IQSEC1: variants seen among roughly 807,000 people sequenced by gnomAD.
The protein encoded by IQSEC1 is IQ motif and Sec7 domain ArfGEF 1, also known as IQ motif and SEC7 domain-containing protein 1.
A neutral mutation model predicts 91.0 loss-of-function variants in IQSEC1; 31 were observed. The ratio of observed to expected loss-of-function variants is 0.34; its 90% confidence interval spans 0.26 to 0.46. The LOEUF (loss-of-function observed/expected upper bound fraction) is 0.46. Ranked by LOEUF, IQSEC1 falls within the 20% of genes least tolerant of loss-of-function variation. The pLI, the probability that IQSEC1 is intolerant of heterozygous loss-of-function variation, is 1.00. For missense variants in IQSEC1, 1,388 were observed against 1,575.6 expected, an observed-to-expected ratio of 0.88 and a Z score of 2.02; for synonymous variants, 699 against 662.6, an observed-to-expected ratio of 1.05 and a Z score of -0.84.
intron 2 of IQSEC1, among the ~76,000 whole-genome samples, chr3:13,100,015 C>T (rs1318116470): frequency 3.3e-5 from 5 of 149,424 alleles, no homozygotes; most frequent in Admixed American, 6.6e-5. Flanking sequence ...TGGAAGGACT[C>T]GGCCTTCACT....
chr3:12,983,950 G>A lies in IQSEC1; in HGVS notation c.24-42085C>T, dbSNP rs1181869690. 6.6e-6 allele frequency among the ~76,000 whole-genome samples: 1 copy of A among 152,208 alleles called. No individual in the cohort carries two copies. Among genetic ancestry groups the A allele is most frequent in the Admixed American group, 6.5e-5 (1 of 15,284 alleles). The stretch of plus-strand genomic sequence containing the variant: ...TTCAAGGGGGCAGGCAGAGAGGTAA[G>A]GGCCTTTCATACGTGGGTTCTGGGG... On this transcript the variant is annotated intron_variant, in intron 1 of 13. Transcript: ENST00000613206. This position sits in a 1 kb window ranked among gnomAD's most constrained non-coding sequence, Gnocchi z 4.3.
At chr3:13,162,117 C>T (rs190455219) in intron 2 of IQSEC1, among the ~76,000 whole-genome samples, 1 of 152,234 alleles carries the variant, frequency 6.6e-6, no homozygotes, top group African/African-American at 2.4e-5. Flanking sequence ...TGTATTCACT[C>T]TACATGTTCA....
At chr3:13,095,478 A>T (rs1485314078) in intron 2 of IQSEC1, among the ~76,000 whole-genome samples, 2 of 152,134 alleles carry the variant, frequency 1.3e-5, no homozygotes, top group Admixed American at 6.5e-5. Context: ...AGCTAAGAAC[A>T]TTTGAGACAT....
At chr3:12,911,371 T>C (rs565852587) in intron 10 of IQSEC1, among the ~76,000 whole-genome samples, 3 of 152,344 alleles carry the variant, frequency 2.0e-5, no homozygotes, top group Admixed American at 6.5e-5. Context: ...AAAAATCTTA[T>C]CACCTGCAAG....
chr3:13,236,761 C>T (rs528400411), intron 1 of IQSEC1, among the ~76,000 whole-genome samples: 1 of 152,368 alleles, frequency 6.6e-6, no homozygotes, highest in Admixed American at 6.5e-5. Flanking sequence ...TGCCATCAGT[C>T]TACGCATCAT....
At chr3:12,903,571 A>C (rs923483133) in intron 12 of IQSEC1, among the ~76,000 whole-genome samples, 6 of 152,226 alleles carry the variant, frequency 3.9e-5, no homozygotes, top group African/African-American at 1.4e-4. Flanking sequence ...CAGAGCACAC[A>C]GTAGGCACTC....
intron 1 of IQSEC1, among the ~76,000 whole-genome samples, chr3:13,230,482 A>G (rs1158704210): frequency 1.3e-5 from 2 of 152,226 alleles, no homozygotes; most frequent in African/African-American, 4.8e-5. Flanking sequence ...AAAGTCAACA[A>G]ACAAAATGCT....
intron 2 of IQSEC1, among the ~76,000 whole-genome samples, chr3:13,086,540 G>A (rs62232938): frequency 0.11 from 17,206 of 152,176 alleles, 1,207 homozygotes; most frequent in East Asian, 0.28. Flanking sequence ...TCTGTATTGC[G>A]GTGTATCGTG....
chr3:13,163,451 G>C (rs1311411102), intron 2 of IQSEC1, among the ~76,000 whole-genome samples: 1 of 152,152 alleles, frequency 6.6e-6, no homozygotes, highest in Non-Finnish European at 1.5e-5. Context: ...CATCTCCCAT[G>C]ACCATGGCCT....
intron 1 of IQSEC1, among the ~76,000 whole-genome samples, chr3:13,013,121 C>T (rs747610976): frequency 3.9e-5 from 6 of 152,158 alleles, no homozygotes; most frequent in African/African-American, 1.2e-4. Context: ...CCACCACGCC[C>T]GGCTAATTTT....
chr3:13,134,591 T>G lies in IQSEC1; in HGVS notation c.302+29513A>C, dbSNP rs545759705. Among the ~76,000 whole-genome samples, 131 of 152,322 alleles carry G rather than the reference T, an allele frequency of 8.6e-4. 6 individuals carry two copies. In the South Asian group the frequency reaches 0.027, roughly 31 times the overall value. On this transcript the variant is annotated intron_variant, in intron 2 of 15. Transcript: ENST00000648114. Reference sequence around the variant, plus strand: ...ATCTATGGCCTTTGGCGTAACTGCTTTCTAGCCTCATGCGGGTGATGATGT... The same window carrying G: ...ATCTATGGCCTTTGGCGTAACTGCTGTCTAGCCTCATGCGGGTGATGATGT...
chr3:13,251,661 C>T (rs894049554), intron 1 of IQSEC1, among the ~76,000 whole-genome samples: 2 of 152,228 alleles, frequency 1.3e-5, no homozygotes, highest in African/African-American at 2.4e-5. Context: ...AAGGTTCTGA[C>T]AAGGACTGCA....
At chr3:13,069,161 C>A (rs1705332639) in intron 1 of IQSEC1, among the ~76,000 whole-genome samples, 2 of 152,176 alleles carry the variant, frequency 1.3e-5, no homozygotes, top group Admixed American at 1.3e-4. Flanking sequence ...TCATAATAAC[C>A]ATTTTTAATA....
chr3:13,263,034 G>C (rs962683666), intron 1 of IQSEC1, among the ~76,000 whole-genome samples: 2 of 152,178 alleles, frequency 1.3e-5, no homozygotes, highest in Non-Finnish European at 2.9e-5. Flanking sequence ...GATCACATGA[G>C]GCCAGGAGTT....
At position 12,935,584 on chromosome 3, in the gene IQSEC1, G is replaced by A. The variant is rs775312948; in HGVS notation, c.1432C>T (p.Arg478Cys). Residue 478 changes from arginine (R) to cysteine (C), a missense_variant, in exon 3 of 14, where the codon CGT (arginine) becomes TGT (cysteine). Coordinates refer to ENST00000613206, the MANE Select transcript of IQSEC1 (RefSeq NM_001134382.3). This position sits in a 1 kb window ranked among gnomAD's most constrained non-coding sequence, Gnocchi z 8.0. ...TINCSSESSS[R>C]DSLREQTLSK... Reference sequence around the variant, plus strand: ...AGCGTCTGCTCCCGCAGGCTGTCACGGGACGATGACTCGGAGCTGCAGTTG... The same window carrying A: ...AGCGTCTGCTCCCGCAGGCTGTCACAGGACGATGACTCGGAGCTGCAGTTG... 1.4e-5 allele frequency: 22 copies of A among 1,614,002 alleles called. No individual in the cohort carries two copies. Among genetic ancestry groups the A allele is most frequent in the East Asian group, 2.2e-5 (1 of 44,904 alleles).
intron 1 of IQSEC1, among the ~76,000 whole-genome samples, chr3:13,177,444 A>G (rs1455379348): frequency 6.6e-6 from 1 of 152,228 alleles, no homozygotes; most frequent in African/African-American, 2.4e-5. Context: ...AGAGCAGGGC[A>G]GGAATAATTC....
intron 1 of IQSEC1, among the ~76,000 whole-genome samples, chr3:13,185,179 G>A (rs894317233): frequency 2.0e-5 from 3 of 152,134 alleles, no homozygotes; most frequent in African/African-American, 4.8e-5. Context: ...TGTGACCTGC[G>A]GCCTGACCTT....
intron 1 of IQSEC1, among the ~76,000 whole-genome samples, chr3:13,172,414 C>T (rs568029747): frequency 6.6e-6 from 1 of 152,312 alleles, no homozygotes; most frequent in African/African-American, 2.4e-5. Flanking sequence ...TTAAACAGGA[C>T]AGGCCCAGAA....
At chr3:13,164,054 G>A (rs1428878080) in intron 2 of IQSEC1, among the ~76,000 whole-genome samples, 4 of 152,152 alleles carry the variant, frequency 2.6e-5, no homozygotes, top group Non-Finnish European at 5.9e-5. Context: ...CATCAACGCC[G>A]CTCACCGCCA....
Sources: allele counts gnomAD v4.1 joint callset (sites outside exome capture counted in the v4.1 genomes callset), GRCh38; gene constraint gnomAD v4.1.1; non-coding constraint Gnocchi (gnomAD v3.1); transcripts MANE v1.5; gene names NCBI Gene and HGNC (gene_info 2026-07-23, HGNC 2026-07-21).